MILR1: variants seen among roughly 807,000 people sequenced by gnomAD.
MILR1 encodes the protein mast cell immunoglobulin like receptor 1, also known as allergin-1.
A neutral mutation model predicts 18.5 loss-of-function variants in MILR1; 31 were observed. The observed-to-expected ratio is 1.68, with a 90% CI of 1.26 to 2.26. MILR1 has a LOEUF of 2.26. MILR1 is among the 30% of genes most tolerant of loss of function. The pLI is 0.00. For missense variants in MILR1, 257 were observed against 157.4 expected (o/e 1.63, Z -3.38); for synonymous variants, 85 against 56.2 (o/e 1.51, Z -2.30).
At chr17:64,473,012 C>T (rs1421779684), downstream of MILR1, among the ~76,000 whole-genome samples, 4 of 152,108 alleles carry the variant, frequency 2.6e-5, no homozygotes, top group Non-Finnish European at 2.9e-5. Flanking sequence ...ACTTTTTGGC[C>T]TTCTGCCTCT....
intron 2 of MILR1, among the ~76,000 whole-genome samples, chr17:64,451,052 C>G (rs908759618): frequency 2.6e-5 from 4 of 152,134 alleles, no homozygotes; most frequent in African/African-American, 9.7e-5. Flanking sequence ...TGATCGTATC[C>G]TATCAGTCAC....
chr17:64,480,394 A>G, the MILR1 span: 2 of 1,381,658 alleles, frequency 1.4e-6, no homozygotes, highest in African/African-American at 2.8e-5. Context: ...ACAAACCTAG[A>G]AAGAAATAGA....
At position 64,462,174 on chromosome 17, in the gene MILR1, T is replaced by C. The variant is rs1051917564; in HGVS notation, c.763+1242T>C. Among the ~76,000 whole-genome samples the C allele has an allele frequency of 1.9e-3, 287 of 152,004 alleles. 1 individual carries two copies. Among genetic ancestry groups the C allele is most frequent in the African/African-American group, 6.6e-3 (274 of 41,482 alleles). ...ACTTTAAGAACTTGTGTTCCTTTTT[T>C]TCTCTCTCTCTCTCTTCTTTTTTTA... On this transcript the variant is annotated intron_variant, in intron 5 of 9. Coordinates refer to ENST00000619286, the MANE Select transcript of MILR1 (RefSeq NM_001085423.2).
the MILR1 span, among the ~76,000 whole-genome samples, chr17:64,474,500 AAGTAGCTGGGAC>A: frequency 1.3e-5 from 2 of 151,970 alleles, no homozygotes; most frequent in Non-Finnish European, 2.9e-5. Flanking sequence ...TCAGCTTCCC[AAGTAGCTGGGAC>A]TATAGGCCTG....
At chr17:64,477,894 T>C in the MILR1 span, 1 of 1,613,784 alleles carries the variant, frequency 6.2e-7, no homozygotes, top group Non-Finnish European at 8.5e-7. Context: ...ATCATTTCCT[T>C]CATTGTGGTG....
the MILR1 span, chr17:64,486,777 TAA>T: frequency 3.3e-5 from 5 of 152,314 alleles, 1 homozygote. Flanking sequence ...TTCTGAAACG[TAA>T]AGTTATTTTC....
At chr17:64,477,090 C>CT in the MILR1 span, among the ~76,000 whole-genome samples, 41 of 152,234 alleles carry the variant, frequency 2.7e-4, no homozygotes, top group African/African-American at 9.4e-4. Context: ...CGTAAATACT[C>CT]TAAGTTTTAA....
chr17:64,453,482 G>A (rs2037220193), intron 3 of MILR1, among the ~76,000 whole-genome samples: 1 of 151,022 alleles, frequency 6.6e-6, no homozygotes, highest in Non-Finnish European at 1.5e-5. Flanking sequence ...AATAATTGTG[G>A]AGGTCTTTTC....
the MILR1 span, among the ~76,000 whole-genome samples, chr17:64,478,296 T>C: frequency 1.3e-5 from 2 of 152,248 alleles, no homozygotes; most frequent in East Asian, 3.8e-4. Flanking sequence ...AACCTCAGCC[T>C]TTTGGTTCTT....
At chr17:64,476,127 C>T in the MILR1 span, among the ~76,000 whole-genome samples, 3 of 152,128 alleles carry the variant, frequency 2.0e-5, no homozygotes, top group Middle Eastern at 3.4e-3. Context: ...TATTTCATCT[C>T]CCACCACTTA....
At chr17:64,494,914 C>T in the MILR1 span, among the ~76,000 whole-genome samples, 1 of 152,214 alleles carries the variant, frequency 6.6e-6, no homozygotes, top group Non-Finnish European at 1.5e-5. Context: ...TGGCTCACGC[C>T]TGTAATCCCA....
chr17:64,487,613 C>CAAAAAAA, the MILR1 span: 3 of 73,668 alleles, frequency 4.1e-5, no homozygotes, highest in South Asian at 5.3e-4. Flanking sequence ...GACACCATCT[C>CAAAAAAA]AAAAAAAAAA....
At chr17:64,491,852 A>G in the MILR1 span, 1 of 365,176 alleles carries the variant, frequency 2.7e-6, no homozygotes, top group African/African-American at 2.2e-5. Context: ...TAAGCAACAC[A>G]ATCTCGATTG....
At chr17:64,467,509 A>G in intron 8 of MILR1, 56 bp from the exon 9 acceptor site, 3 of 1,135,840 alleles carry the variant, frequency 2.6e-6, no homozygotes, top group South Asian at 2.8e-5. Flanking sequence ...GGATTTTTAA[A>G]AACAGCCTTG....
chr17:64,467,677 G>A lies in MILR1; in HGVS notation c.*28+32G>A, dbSNP rs1456691412. On this transcript the variant is annotated intron_variant, in intron 9 of 9. Transcript: ENST00000619286. ...TGCTTTTTATGAAGCTGATTTCCATGAACAAAAAGCAAACTTGAGGCTGAG... is the reference window on the plus strand; with the variant it reads ...TGCTTTTTATGAAGCTGATTTCCATAAACAAAAAGCAAACTTGAGGCTGAG... 2.9e-6 allele frequency: 4 copies of A among 1,383,330 alleles called. No homozygotes were observed. The African/African-American group carries it at 5.8e-5, about 20-fold the overall frequency. 85.7% of individuals were successfully genotyped at this position (1,383,330 alleles called of 1,614,324 possible). A position where few individuals can be genotyped will look rare whatever the true frequency, so the allele number is the denominator to read the frequency against.
At chr17:64,465,571 G>A (rs1555662999) in intron 6 of MILR1, 30 bp downstream of exon 6, 1 of 1,576,094 alleles carries the variant, frequency 6.3e-7, no homozygotes. Flanking sequence ...TGTTTTGGGT[G>A]GTTTCAGGTT....
chr17:64,468,259 C>T (rs2037624350), intron 9 of MILR1, 51 bp from the exon 10 acceptor site: 1 of 455,838 alleles, frequency 2.2e-6, no homozygotes, highest in Admixed American at 2.4e-5. Flanking sequence ...CTGCCTCTGT[C>T]TTCACGTGGC....
chr17:64,468,813 G>A (rs886175663), downstream of MILR1, among the ~76,000 whole-genome samples: 1 of 152,058 alleles, frequency 6.6e-6, no homozygotes, highest in East Asian at 2.0e-4. Flanking sequence ...GGCCGGGCAC[G>A]GTGGCTCACG....
downstream of MILR1, among the ~76,000 whole-genome samples, chr17:64,473,560 T>A (rs114597386): frequency 3.0e-3 from 461 of 152,148 alleles, 2 homozygotes; most frequent in African/African-American, 0.011. Context: ...AGACAGTAAC[T>A]GAGATCTGCA....
Sources: gnomAD v4.1 joint callset for allele counts (sites outside exome capture counted in the v4.1 genomes callset) on GRCh38, gnomAD v4.1.1 for gene constraint, MANE v1.5 for transcripts, NCBI Gene and HGNC (gene_info 2026-07-23, HGNC 2026-07-21) for gene names.